DNAI7: variants seen among roughly 807,000 people sequenced by gnomAD.
DNAI7 encodes the protein dynein axonemal intermediate chain 7, also known as cancer susceptibility 1.
DNAI7 carries 78 observed loss-of-function variants against 86.6 expected under a neutral mutation model. The ratio of observed to expected loss-of-function variants is 0.90; its 90% confidence interval spans 0.75 to 1.09. The LOEUF is 1.09. Among genes scored for constraint, DNAI7 ranks in the 50% least tolerant of loss-of-function variants. The pLI, the probability that DNAI7 is intolerant of heterozygous loss-of-function variation, is 0.00. For synonymous variants in DNAI7, 274 were observed against 273.0 expected (o/e 1.00, Z -0.04); for missense variants, 753 against 810.2 (o/e 0.93, Z 0.86).
In DNAI7 at chr12:25,154,445, G is replaced by A; in HGVS notation, c.312C>T (p.Tyr104=). ...ETKLLSQWKH[Y]IQCDGSPDPS... ...GATCAGGACTCCCATCACATTGAAT[G>A]TAGTGCTTCCACTGTGGAATAAAAA... Residue 104 remains tyrosine, a synonymous_variant, in exon 6 of 16, where the codon TAC becomes TAT. Coordinates refer to ENST00000395987, the MANE Select transcript of DNAI7 (RefSeq NM_018272.5). The A allele has an allele frequency of 1.2e-6, 2 of 1,608,642 alleles. No homozygotes were observed. The highest frequency in any genetic ancestry group is 8.5e-7 in the Non-Finnish European group (1 of 1,178,808).
Position 25,191,684 on chromosome 12 carries a change from C to A in DNAI7, c.4-1053G>T, listed in dbSNP as rs143554087. 3.5e-3 allele frequency among the ~76,000 whole-genome samples: 534 copies of A among 152,112 alleles called. 3 individuals carry two copies. The highest frequency in any genetic ancestry group is 0.012 in the African/African-American group (481 of 41,478). On this transcript the variant is annotated intron_variant, in intron 1 of 15. Coordinates refer to ENST00000395987, the MANE Select transcript of DNAI7 (RefSeq NM_018272.5). ...CACCACTGCACTCCAGTCTGGGTGA[C>A]AGAGCAAGACTCAAAAAATAAACAA...
At chr12:25,110,088 G>T in intron 15 of DNAI7, 39 bp downstream of exon 15, 2 of 975,148 alleles carry the variant, frequency 2.1e-6, no homozygotes, top group Non-Finnish European at 3.3e-6. Flanking sequence ...ATCTTCTTTT[G>T]GAGGACAAAG....
In DNAI7 at chr12:25,149,631, G is replaced by T; in HGVS notation, c.582C>A (p.Leu194=). Residue 194 remains leucine (L), a synonymous_variant, in exon 7 of 16, where the codon CTC becomes CTA. Transcript: ENST00000395987. ...LKFGVATEIL[L]KQASTLADLD... is the part of the protein sequence containing the mutation. The stretch of plus-strand genomic sequence containing the variant: ...ATAAGCAAAATATCACACTTACTTT[G>T]AGAAGTATTTCTGTGGCTACACCGA... 1 of 1,599,638 alleles carries T rather than the reference G, an allele frequency of 6.3e-7. No homozygotes were observed. The highest frequency in any genetic ancestry group is 8.5e-7 in the Non-Finnish European group (1 of 1,173,216).
At position 25,114,722 on chromosome 12, in the gene DNAI7, T is replaced by C. The variant is rs1326582155; in HGVS notation, c.1545A>G (p.Pro515=). ...NMPYQSWELR[P]LDVNKVLLTV... ...TTAAAAGTACTTTATTTACATCAAG[T>C]GGTCTTAGTTCCCATGACTGGTACG... Residue 515 remains proline (P), a synonymous_variant, in exon 13 of 16, where the codon CCA becomes CCG. Coordinates refer to ENST00000395987, the MANE Select transcript of DNAI7 (RefSeq NM_018272.5). 6.2e-7 allele frequency: 1 copy of C among 1,613,966 alleles called. No individual in the cohort carries two copies. The highest frequency in any genetic ancestry group is 8.5e-7 in the Non-Finnish European group (1 of 1,179,844).
At chr12:25,136,254 G>A (rs1430110966) in intron 9 of DNAI7, among the ~76,000 whole-genome samples, 1 of 152,140 alleles carries the variant, frequency 6.6e-6, no homozygotes, top group African/African-American at 2.4e-5. Flanking sequence ...CAGACACTCC[G>A]CAGTACCAAC....
In DNAI7 at chr12:25,147,210, C is replaced by T. The variant is rs1396114357; in HGVS notation, c.586-106G>A. On this transcript the variant is annotated intron_variant, in intron 7 of 15. Coordinates refer to ENST00000395987, the MANE Select transcript of DNAI7 (RefSeq NM_018272.5). ...TGTGTTGGATTCCCTTTATTAATCA[C>T]CTAAGAGAGTAACTTGGGTAAAAAT... 8 of 601,864 alleles carry T rather than the reference C, an allele frequency of 1.3e-5. No homozygotes were observed. In the East Asian group the frequency reaches 1.7e-4, roughly 13 times the overall value. 37.3% of individuals were successfully genotyped at this position (601,864 alleles called of 1,614,324 possible). A position where few individuals can be genotyped will look rare whatever the true frequency, so the allele number is the denominator to read the frequency against.
chr12:25,166,553 T>TAACAG (rs1306871062), intron 2 of DNAI7, among the ~76,000 whole-genome samples: 1 of 152,162 alleles, frequency 6.6e-6, no homozygotes. Flanking sequence ...AAGCCCAAAT[T>TAACAG]TCTTCCTCAT....
At chr12:25,175,748 C>G (rs2141225692) in intron 2 of DNAI7, among the ~76,000 whole-genome samples, 2 of 152,244 alleles carry the variant, frequency 1.3e-5, no homozygotes, top group Middle Eastern at 6.8e-3. Flanking sequence ...AAAACTTTCA[C>G]AGTACTCTTT....
At chr12:25,171,896 T>C (rs556845465) in intron 2 of DNAI7, among the ~76,000 whole-genome samples, 2 of 152,220 alleles carry the variant, frequency 1.3e-5, no homozygotes, top group South Asian at 4.1e-4. Context: ...AGAAAAAAGA[T>C]TTGACAAAAT....
At chr12:25,147,894 C>T (rs1363551975) in intron 7 of DNAI7, among the ~76,000 whole-genome samples, 1 of 152,124 alleles carries the variant, frequency 6.6e-6, no homozygotes, top group Non-Finnish European at 1.5e-5. Context: ...GTCATGTTTT[C>T]ACTAGTCTAA....
At chr12:25,137,672 T>G (rs1308511380) in intron 9 of DNAI7, among the ~76,000 whole-genome samples, 3 of 152,064 alleles carry the variant, frequency 2.0e-5, no homozygotes, top group African/African-American at 4.8e-5. Context: ...TAGAGTCACA[T>G]AAACTTAAAG....
chr12:25,143,246 ATTTTTTT>A (rs56888487), intron 9 of DNAI7, among the ~76,000 whole-genome samples: 2 of 129,850 alleles, frequency 1.5e-5, no homozygotes, highest in East Asian at 2.3e-4. Flanking sequence ...AGTCTTCATA[ATTTTTTT>A]TTTTTTTTTT....
chr12:25,146,890 G>T, intron 8 of DNAI7, 111 bp downstream of exon 8: 3 of 619,174 alleles, frequency 4.8e-6, no homozygotes. Flanking sequence ...TCCTGAAATG[G>T]GCTTTTCCAA....
chr12:25,136,720 A>G (rs1232388213), intron 9 of DNAI7, among the ~76,000 whole-genome samples: 1 of 152,214 alleles, frequency 6.6e-6, no homozygotes, highest in Non-Finnish European at 1.5e-5. Context: ...ATAAAAAACA[A>G]TCACAACTTC....
intron 2 of DNAI7, among the ~76,000 whole-genome samples, chr12:25,165,772 C>G (rs998141329): frequency 6.6e-6 from 1 of 152,204 alleles, no homozygotes; most frequent in African/African-American, 2.4e-5. Flanking sequence ...GTTTCCCTTG[C>G]CCCCATAACC....
rs955891562 is a variant in DNAI7 at position 25,170,160 on chromosome 12, G to C, written c.22-8963C>G. ...AATCCCAGCATTTTGGGAGGCTGAG[G>C]GGGGTGAATCACCTGAGGTCAGGAG... On this transcript the variant is annotated intron_variant, in intron 2 of 15. Coordinates refer to ENST00000395987, the MANE Select transcript of DNAI7 (RefSeq NM_018272.5). Among the ~76,000 whole-genome samples, 6 of 152,130 alleles carry C rather than the reference G, an allele frequency of 3.9e-5. No homozygotes were observed. The East Asian group carries it at 7.8e-4, about 20-fold the overall frequency.
At position 25,194,913 on chromosome 12, in the gene DNAI7, C is replaced by A. The variant is rs376762355; in HGVS notation, c.3+163G>T. The A allele has an allele frequency of 9.0e-5, 146 of 1,614,012 alleles. 1 individual carries two copies. The highest frequency in any genetic ancestry group is 2.5e-4 in the South Asian group (23 of 91,082). ...GTCCGCCTGGTCCAGGTAAGGAAAG[C>A]CATTGCTGAGAAGAGGGCCGACCCA... On this transcript the variant is annotated intron_variant, in intron 1 of 15. Coordinates refer to ENST00000395987, the MANE Select transcript of DNAI7 (RefSeq NM_018272.5).
At chr12:25,172,291 T>C (rs997942221) in intron 2 of DNAI7, among the ~76,000 whole-genome samples, 2 of 152,264 alleles carry the variant, frequency 1.3e-5, no homozygotes, top group South Asian at 2.1e-4. Context: ...TCAGTAGTTC[T>C]TCTATACACC....
intron 9 of DNAI7, among the ~76,000 whole-genome samples, chr12:25,133,198 T>A (rs774264760): frequency 1.3e-5 from 2 of 151,650 alleles, no homozygotes; most frequent in Non-Finnish European, 2.9e-5. Context: ...AGAATCGAAA[T>A]TTCTTTTAAA....
Sources: gnomAD v4.1 joint callset for allele counts (sites outside exome capture counted in the v4.1 genomes callset) on GRCh38, gnomAD v4.1.1 for gene constraint, MANE v1.5 for transcripts, NCBI Gene and HGNC (gene_info 2026-07-23, HGNC 2026-07-21) for gene names.